The following ZNF236 variants were observed in gnomAD, a reference collection of about 807,000 sequenced individuals.
The protein encoded by ZNF236 is zinc finger protein 236, also known as regulated by glucose.
In ZNF236, 50 loss-of-function variants were observed where a neutral mutation model predicts 191.2. That is an observed-to-expected ratio of 0.26 (90% CI 0.21 to 0.33). The LOEUF (loss-of-function observed/expected upper bound fraction) is 0.33. Ranked by LOEUF, ZNF236 falls within the 10% of genes least tolerant of loss-of-function variation. The pLI, the probability that ZNF236 is intolerant of heterozygous loss-of-function variation, is 1.00. For missense variants in ZNF236, 1,754 were observed against 2,374.5 expected (o/e 0.74, Z 5.43); for synonymous variants, 907 against 928.8 (o/e 0.98, Z 0.43).
intron 30 of ZNF236, among the ~76,000 whole-genome samples, chr18:76,964,739 G>C (rs150291300): frequency 6.6e-6 from 1 of 152,264 alleles, no homozygotes; most frequent in Admixed American, 6.5e-5. Context: ...AAATTTGGGA[G>C]CTCCAGTGTT....
chr18:76,953,479 G>A (rs1968456732), intron 27 of ZNF236, among the ~76,000 whole-genome samples: 2 of 152,286 alleles, frequency 1.3e-5, no homozygotes, highest in Admixed American at 1.3e-4. Flanking sequence ...TACTCACAAG[G>A]ATTCTATCAT....
rs185126712 is a variant in ZNF236, at chr18:76,946,979, C to T, written c.4783-542C>T. On this transcript the variant is annotated intron_variant, in intron 26 of 30. Coordinates refer to ENST00000320610, the MANE Select transcript of ZNF236 (RefSeq NM_001306089.2). The stretch of plus-strand genomic sequence containing the variant: ...CCATCACCATGGTCTAATTTTAGAA[C>T]GTTTCATCACCCCTTAAAGAAACGT... Among the ~76,000 whole-genome samples the T allele has an allele frequency of 8.0e-4, 122 of 152,256 alleles. 1 individual carries two copies. The highest frequency in any genetic ancestry group is 6.8e-3 in the Middle Eastern group (2 of 294).
chr18:76,842,516 C>T (rs537198035), intron 1 of ZNF236, among the ~76,000 whole-genome samples: 1 of 151,446 alleles, frequency 6.6e-6, no homozygotes, highest in East Asian at 1.9e-4. Context: ...CTTTGGGAGG[C>T]CGAGGTGGGC....
intron 1 of ZNF236, among the ~76,000 whole-genome samples, chr18:76,846,560 G>T (rs1378404680): frequency 6.6e-6 from 1 of 152,184 alleles, no homozygotes; most frequent in Non-Finnish European, 1.5e-5. Context: ...ATTATGCTCA[G>T]TGTGGAAACT....
At chr18:76,922,302 C>T (rs1044535986) in intron 20 of ZNF236, among the ~76,000 whole-genome samples, 1 of 152,110 alleles carries the variant, frequency 6.6e-6, no homozygotes, top group Admixed American at 6.5e-5. Context: ...ACCAGAGGGC[C>T]GTGTGCCTCT....
intron 25 of ZNF236, among the ~76,000 whole-genome samples, chr18:76,933,926 T>A (rs1568237204): frequency 1.3e-5 from 2 of 152,198 alleles, no homozygotes; most frequent in African/African-American, 4.8e-5. Flanking sequence ...CAAAGTCAGT[T>A]TCAGATCTAG....
intron 3 of ZNF236, among the ~76,000 whole-genome samples, chr18:76,860,634 C>G (rs1437768966): frequency 6.6e-6 from 1 of 152,158 alleles, no homozygotes; most frequent in Non-Finnish European, 1.5e-5. Flanking sequence ...ACCACATCAT[C>G]TGAACTTTGT....
chr18:76,948,398 G>A (rs1968321485), intron 27 of ZNF236, among the ~76,000 whole-genome samples: 1 of 152,198 alleles, frequency 6.6e-6, no homozygotes, highest in Non-Finnish European at 1.5e-5. Context: ...AACCAGAGCT[G>A]TCTCACTGAA....
Position 76,868,878 on chromosome 18 carries a change from A to G in ZNF236, c.542+15A>G. The G allele has an allele frequency of 1.1e-5, 18 of 1,572,510 alleles. No individual in the cohort carries two copies. Among genetic ancestry groups the G allele is most frequent in the Non-Finnish European group, 1.6e-5 (18 of 1,158,718 alleles). ...TACAAAATTAGGTATGAGTCATTAC[A>G]TGGGCTTGGTCAAAAATCCATCTAA... On this transcript the variant is annotated intron_variant, in intron 4 of 30. Coordinates refer to ENST00000320610, the MANE Select transcript of ZNF236 (RefSeq NM_001306089.2).
chr18:76,944,755 C>A (rs1336523283), intron 26 of ZNF236, among the ~76,000 whole-genome samples: 1 of 152,054 alleles, frequency 6.6e-6, no homozygotes, highest in Admixed American at 6.6e-5. Flanking sequence ...GCACTGTAGC[C>A]TGGGTAACAG....
chr18:76,933,385 G>A (rs755445656), intron 25 of ZNF236, among the ~76,000 whole-genome samples: 2 of 151,864 alleles, frequency 1.3e-5, no homozygotes, highest in East Asian at 1.9e-4. Context: ...CAGGAGAATC[G>A]CCTGAACCTG....
intron 26 of ZNF236, among the ~76,000 whole-genome samples, chr18:76,947,089 T>C (rs1056070900): frequency 1.3e-5 from 2 of 152,084 alleles, no homozygotes; most frequent in Non-Finnish European, 2.9e-5. Flanking sequence ...CCACTTTCTG[T>C]CTCCGTAGAT....
intron 3 of ZNF236, among the ~76,000 whole-genome samples, chr18:76,866,718 G>C (rs1048728134): frequency 4.6e-5 from 7 of 152,186 alleles, no homozygotes; most frequent in African/African-American, 1.7e-4. Flanking sequence ...ACTCTGTATG[G>C]AGGGTGCAGT....
chr18:76,906,759 A>G (rs17060047), intron 13 of ZNF236, among the ~76,000 whole-genome samples: 2,581 of 152,248 alleles, frequency 0.017, 34 homozygotes, highest in Middle Eastern at 0.051. Context: ...ATGAATGTAG[A>G]GCTTTGAGAG....
At chr18:76,832,437 T>G (rs1975197405) in intron 1 of ZNF236, among the ~76,000 whole-genome samples, 2 of 151,306 alleles carry the variant, frequency 1.3e-5, no homozygotes, top group South Asian at 4.2e-4. Context: ...GAGGGAAAGG[T>G]CAGGATTTTT....
In ZNF236 at chr18:76,956,043, C is replaced by G. The variant is rs554833086; in HGVS notation, c.4973C>G (p.Ala1658Gly). Residue 1658 changes from alanine to glycine, a missense_variant, in exon 28 of 31, where the codon GCG becomes GGG. Transcript: ENST00000320610. ...PGNQPEKEGR[A>G]HQCLECDRAF... ...AACCAGCCAGAGAAGGAGGGCCGGG[C>G]GCACCAGTGCCTGGAGTGTGACCGC... 8 of 1,609,690 alleles carry G rather than the reference C, an allele frequency of 5.0e-6. No homozygotes were observed. The highest frequency in any genetic ancestry group is 6.8e-6 in the Non-Finnish European group (8 of 1,179,214).
rs1489892865 is a variant in ZNF236 at position 76,880,175 on chromosome 18, C to T, written c.1047C>T (p.Ser349=). Reference sequence around the variant, plus strand: ...AAGCCCAAGCCACGTCGGCCTCAAGCCAGCCGAGCTCCCAGGCGGTGAGCG... The same window carrying T: ...AAGCCCAAGCCACGTCGGCCTCAAGTCAGCCGAGCTCCCAGGCGGTGAGCG... The part of the protein sequence containing the change: ...QTEAQATSAS[S]QPSSQAVSDV... The change falls in exon 8 of 31, where the codon AGC becomes AGT. Residue 349 remains serine (S), a synonymous_variant. Coordinates refer to ENST00000320610, the MANE Select transcript of ZNF236 (RefSeq NM_001306089.2). This position sits in a 1 kb window ranked among gnomAD's most constrained non-coding sequence, Gnocchi z 5.0. 1.2e-6 allele frequency: 2 copies of T among 1,614,022 alleles called. No homozygotes were observed. Among genetic ancestry groups the T allele is most frequent in the African/African-American group, 1.3e-5 (1 of 74,910 alleles).
chr18:76,953,414 T>A (rs1388570728), intron 27 of ZNF236, among the ~76,000 whole-genome samples: 2 of 152,206 alleles, frequency 1.3e-5, no homozygotes, highest in Admixed American at 6.5e-5. Context: ...TGTGGTCTTA[T>A]GTAGCCGAGC....
chr18:76,861,337 G>C (rs906867182), intron 3 of ZNF236, among the ~76,000 whole-genome samples: 2 of 152,148 alleles, frequency 1.3e-5, no homozygotes, highest in Non-Finnish European at 2.9e-5. Flanking sequence ...CAGTGAGAAC[G>C]GGAGGAGGAA....
Sources: allele counts gnomAD v4.1 joint callset (sites outside exome capture counted in the v4.1 genomes callset), GRCh38; gene constraint gnomAD v4.1.1; non-coding constraint Gnocchi (gnomAD v3.1); transcripts MANE v1.5; gene names NCBI Gene and HGNC (gene_info 2026-07-23, HGNC 2026-07-21).